UBR4: variants seen among roughly 807,000 people sequenced by gnomAD.
UBR4 encodes E3 ubiquitin-protein ligase UBR4.
In UBR4, 124 loss-of-function variants were observed where a neutral mutation model predicts 575.6. The observed-to-expected ratio is 0.22, with a 90% CI of 0.19 to 0.25. UBR4 has a LOEUF of 0.25. Ranked by LOEUF, UBR4 falls within the 10% of genes least tolerant of loss-of-function variation. The pLI is 1.00. For missense variants in UBR4, 4,818 were observed against 6,478.8 expected (o/e 0.74, Z 8.80); for synonymous variants, 2,455 against 2,473.7 (o/e 0.99, Z 0.22).
intron 39 of UBR4, 130 bp from the exon 40 acceptor site, chr1:19,158,127 A>T: frequency 1.1e-6 from 1 of 875,918 alleles, no homozygotes; most frequent in African/African-American, 1.7e-5. Context: ...CGGCCTCCAA[A>T]CCGTGGATGG....
chr1:19,129,097 G>T (rs1196946603), intron 60 of UBR4, 23 bp from the exon 61 acceptor site: 2 of 1,601,862 alleles, frequency 1.2e-6, no homozygotes, highest in Non-Finnish European at 1.7e-6. Flanking sequence ...GGAAAAGATA[G>T]AAAATATGAG....
At chr1:19,198,990 T>C in intron 3 of UBR4, 62 bp from the exon 4 acceptor site, 1 of 1,568,308 alleles carries the variant, frequency 6.4e-7, no homozygotes, top group Non-Finnish European at 8.6e-7. Flanking sequence ...CAGAAAATTC[T>C]ACTCTTTTGG....
At chr1:19,142,993 G>A (rs967900039) in intron 55 of UBR4, among the ~76,000 whole-genome samples, 99 of 151,836 alleles carry the variant, frequency 6.5e-4, no homozygotes, top group African/African-American at 2.2e-3. Flanking sequence ...ACGGTGGCAC[G>A]CGCCTATAAT....
At chr1:19,097,052 T>C (rs2078134908) in intron 91 of UBR4, 141 bp downstream of exon 91, 3 of 610,214 alleles carry the variant, frequency 4.9e-6, no homozygotes, top group South Asian at 7.1e-5. Context: ...CCTCTTTTTT[T>C]CCTCAATTGA....
chr1:19,174,280 A>G, intron 22 of UBR4, 39 bp downstream of exon 22: 3 of 1,575,406 alleles, frequency 1.9e-6, no homozygotes, highest in Non-Finnish European at 2.6e-6. Flanking sequence ...TCAATGATCA[A>G]ACACAACCCA....
At position 19,161,111 on chromosome 1, in the gene UBR4, A is replaced by G; in HGVS notation, c.5212T>C (p.Ser1738Pro). Residue 1738 changes from serine (S) to proline (P), a missense_variant, in exon 38 of 106, where the codon TCT (serine) becomes CCT (proline). Coordinates refer to ENST00000375254, the MANE Select transcript of UBR4 (RefSeq NM_020765.3). ...VKRTPSSGMSSTMKESAFQSE... is the reference protein window; with the variant it reads ...VKRTPSSGMSPTMKESAFQSE... ...TGAAATGCCGACTCCTTCATGGTAG[A>G]GCTCATGCCACTGCTAGGAGTTCTC... The G allele has an allele frequency of 6.2e-7, 1 of 1,614,126 alleles. No homozygotes were observed. The highest frequency in any genetic ancestry group is 8.5e-7 in the Non-Finnish European group (1 of 1,180,002).
At chr1:19,193,313 C>T in intron 9 of UBR4, 120 bp downstream of exon 9, 1 of 1,389,498 alleles carries the variant, frequency 7.2e-7, no homozygotes, top group Non-Finnish European at 9.8e-7. Context: ...TACTAGTGCC[C>T]AGGGAAAGTA....
At position 19,155,093 on chromosome 1, in the gene UBR4, C is replaced by T; in HGVS notation, c.6301-18G>A. 6.2e-7 allele frequency: 1 copy of T among 1,612,548 alleles called. No individual in the cohort carries two copies. Among genetic ancestry groups the T allele is most frequent in the Non-Finnish European group, 8.5e-7 (1 of 1,179,288 alleles). Reference sequence around the variant, plus strand: ...TTACTGTCCTGCTGGCACAAAGACACATATTTGCAGTAATTCATGTTGCCT... The same window carrying T: ...TTACTGTCCTGCTGGCACAAAGACATATATTTGCAGTAATTCATGTTGCCT... On this transcript the variant is annotated intron_variant, in intron 43 of 105. Transcript: ENST00000375254.
rs534535979 is a variant in UBR4 at position 19,100,077 on chromosome 1, C to G, written c.13221+299G>C. On this transcript the variant is annotated intron_variant, in intron 89 of 105. Coordinates refer to ENST00000375254, the MANE Select transcript of UBR4 (RefSeq NM_020765.3). This position sits in a 1 kb window ranked among gnomAD's most constrained non-coding sequence, Gnocchi z 4.2. ...AGGGGGCTCAGGTAACTCAGACTCACCGAGAAGTCTCTGCCAGAGGCAATA... is the reference window on the plus strand; with the variant it reads ...AGGGGGCTCAGGTAACTCAGACTCAGCGAGAAGTCTCTGCCAGAGGCAATA... The G allele has an allele frequency of 2.1e-6, 1 of 467,148 alleles. No individual in the cohort carries two copies. The highest frequency in any genetic ancestry group is 3.8e-6 in the Non-Finnish European group (1 of 262,842). 28.9% of individuals were successfully genotyped at this position (467,148 alleles called of 1,614,324 possible). A position where few individuals can be genotyped will look rare whatever the true frequency, so the allele number is the denominator to read the frequency against.
intron 22 of UBR4, 43 bp downstream of exon 22, chr1:19,174,276 A>T: frequency 6.4e-7 from 1 of 1,569,596 alleles, no homozygotes; most frequent in Non-Finnish European, 8.6e-7. Context: ...ATGATCAATG[A>T]TCAAACACAA....
chr1:19,155,708 T>C lies in UBR4; in HGVS notation c.6073-40A>G, dbSNP rs79247592. 105 of 1,544,370 alleles carry C rather than the reference T, an allele frequency of 6.8e-5. No homozygotes were observed. The African/African-American group carries it at 1.3e-3, about 19-fold the overall frequency. On this transcript the variant is annotated intron_variant, in intron 42 of 105. Transcript: ENST00000375254. ...AAAAATTAAATAAGGGAAATCTATC[T>C]CAGTCCCATCCCCCAAATATCTTAG...
intron 91 of UBR4, 33 bp downstream of exon 91, chr1:19,097,160 G>C: frequency 6.3e-7 from 1 of 1,580,994 alleles, no homozygotes; most frequent in South Asian, 1.2e-5. Context: ...TGAGTCCCAA[G>C]CCTCAGATCC....
intron 64 of UBR4, 113 bp downstream of exon 64, chr1:19,126,333 G>A: frequency 2.4e-6 from 3 of 1,259,534 alleles, no homozygotes; most frequent in Non-Finnish European, 3.4e-6. Context: ...AGGAATGCCG[G>A]CTCCTTCCTA....
At chr1:19,207,120 G>A (rs1357251829) in intron 1 of UBR4, among the ~76,000 whole-genome samples, 2 of 152,184 alleles carry the variant, frequency 1.3e-5, no homozygotes, top group Non-Finnish European at 2.9e-5. Flanking sequence ...GAAAAACATG[G>A]CAGGTTTAAC....
intron 60 of UBR4, among the ~76,000 whole-genome samples, chr1:19,134,084 TCTAAAAAAAAAAAAAAAAAAAAAAA>T (rs1417372716): frequency 1.4e-5 from 1 of 70,990 alleles, no homozygotes. Context: ...AGACTCTGTC[TCTAAAAAAAAAAAAAAAAAAAAAAA>T]AAAAATTTAA....
Position 19,172,951 on chromosome 1 carries a change from T to C in UBR4, c.3434A>G (p.Glu1145Gly). The change falls in exon 25 of 106, where the codon GAG (glutamate) becomes GGG (glycine). Residue 1145 changes from glutamate (E) to glycine (G), a missense_variant. Glu to Gly is a moderately conservative substitution (Grantham distance 98). Around this residue, in one of 29 missense-constraint regions of UBR4, gnomAD observed 1,172 missense variants for 1,259.7 expected, o/e 0.93. Coordinates refer to ENST00000375254, the MANE Select transcript of UBR4 (RefSeq NM_020765.3). ...CTCAGACGACTTATGAGGATCAGTC[T>C]CAGCAGCCATCTTAGAAAAATGCTC... Reference protein sequence around the residue: ...LDEHFSKMAAETDPHKSSEIT... With the variant: ...LDEHFSKMAAGTDPHKSSEIT... 1 of 1,614,148 alleles carries C rather than the reference T, an allele frequency of 6.2e-7. No homozygotes were observed. The highest frequency in any genetic ancestry group is 8.5e-7 in the Non-Finnish European group (1 of 1,180,028).
chr1:19,210,175 G>T lies in UBR4; in HGVS notation c.74C>A (p.Thr25Lys). Residue 25 changes from threonine to lysine, a missense_variant, in exon 1 of 106, where the codon ACG becomes AAG. Thr to Lys is a moderately conservative substitution (Grantham distance 78). Transcript: ENST00000375254. ...CACAGCCACCTCCCAGCCCGGGGTC[G>T]TGTCCGCCCCCGTTGCCGGGGTCCC... ...APGTPATGADTTPGWEVAVRP... is the reference protein window; with the variant it reads ...APGTPATGADKTPGWEVAVRP... 1 of 1,522,954 alleles carries T rather than the reference G, an allele frequency of 6.6e-7. No homozygotes were observed. The highest frequency in any genetic ancestry group is 8.8e-7 in the Non-Finnish European group (1 of 1,141,126). The allele number at this position is 1,522,954 out of a possible 1,614,324, so 94.3% of individuals were successfully genotyped here.
Position 19,199,770 on chromosome 1 carries a change from A to G in UBR4, c.275-16T>C, listed in dbSNP as rs766759271. The G allele has an allele frequency of 3.1e-5, 49 of 1,605,992 alleles. No individual in the cohort carries two copies. The highest frequency in any genetic ancestry group is 2.2e-5 in the East Asian group (1 of 44,844). On this transcript the variant is annotated splice_polypyrimidine_tract_variant and intron_variant, in intron 2 of 105. Coordinates refer to ENST00000375254, the MANE Select transcript of UBR4 (RefSeq NM_020765.3). ...TTCCGGGGAACTGAGAAAGTAATAA[A>G]CATTACTCAATTTCAGACTGCTCAG... is the stretch of plus-strand genomic sequence containing the variant.
At chr1:19,199,075 G>T in intron 3 of UBR4, 147 bp from the exon 4 acceptor site, 1 of 894,140 alleles carries the variant, frequency 1.1e-6, no homozygotes, top group Non-Finnish European at 1.7e-6. Context: ...GATGTCCTTA[G>T]ACCGTATGTA....
Sources: gnomAD v4.1 joint callset for allele counts (sites outside exome capture counted in the v4.1 genomes callset) on GRCh38, gnomAD v4.1.1 for gene constraint, gnomAD v4.1.1 regional missense constraint, Gnocchi (gnomAD v3.1) non-coding constraint, MANE v1.5 for transcripts, NCBI Gene and HGNC (gene_info 2026-07-23, HGNC 2026-07-21) for gene names.